The following TMEM94 variants were observed in gnomAD, a reference collection of about 807,000 sequenced individuals.
The protein encoded by TMEM94 is transmembrane protein 94, also known as ER Mg2+ ATPase.
In TMEM94, 81 loss-of-function variants were observed where a neutral mutation model predicts 158.6. The observed-to-expected ratio is 0.51, with a 90% CI of 0.43 to 0.61. The LOEUF is 0.61. Ranked by LOEUF, TMEM94 falls within the 20% of genes least tolerant of loss-of-function variation. The probability of loss-of-function intolerance (pLI) is 0.00; values close to 1 mark genes in which losing one functional copy is unlikely to be tolerated. For synonymous variants in TMEM94, 751 were observed against 730.7 expected (o/e 1.03, Z -0.45); for missense variants, 1,435 against 1,762.0 (o/e 0.81, Z 3.32).
Position 75,489,839 on chromosome 17 carries a change from G to T in TMEM94, c.954+177G>T. 1.6e-6 allele frequency: 1 copy of T among 629,936 alleles called. No individual in the cohort carries two copies. The highest frequency in any genetic ancestry group is 1.8e-5 in the South Asian group (1 of 54,330). The allele number at this position is 629,936 out of a possible 1,614,324, so 39.0% of individuals were successfully genotyped here. A position where few individuals can be genotyped will look rare whatever the true frequency, so the allele number is the denominator to read the frequency against. On this transcript the variant is annotated intron_variant, in intron 9 of 31. Transcript: ENST00000314256. This position sits in a 1 kb window ranked among gnomAD's most constrained non-coding sequence, Gnocchi z 5.0. ...CTCAGGCCTGTAATCCAAGCACTTT[G>T]GGAGGCCACGGCAGGCAGATCATGA...
At chr17:75,469,032 A>G (rs1021614905) in intron 1 of TMEM94, among the ~76,000 whole-genome samples, 1 of 152,106 alleles carries the variant, frequency 6.6e-6, no homozygotes, top group Non-Finnish European at 1.5e-5. Context: ...TGGTGAGGGT[A>G]GGTGGGGAGG....
chr17:75,489,740 C>T lies in TMEM94; in HGVS notation c.954+78C>T. On this transcript the variant is annotated intron_variant, in intron 9 of 31. Transcript: ENST00000314256. This position sits in a 1 kb window ranked among gnomAD's most constrained non-coding sequence, Gnocchi z 5.0. ...GCTCTTCTCCTAGTACCCTGGCTGT[C>T]CCTCCCTCTCTGCAGCCCAGAGGTC... 7.3e-6 allele frequency: 9 copies of T among 1,229,128 alleles called. No homozygotes were observed. The highest frequency in any genetic ancestry group is 9.5e-6 in the Non-Finnish European group (8 of 838,880). The allele number at this position is 1,229,128 out of a possible 1,614,324, so 76.1% of individuals were successfully genotyped here. A position where few individuals can be genotyped will look rare whatever the true frequency, so the allele number is the denominator to read the frequency against.
intron 1 of TMEM94, among the ~76,000 whole-genome samples, chr17:75,468,899 T>C (rs1401529402): frequency 6.6e-6 from 1 of 152,160 alleles, no homozygotes; most frequent in Admixed American, 6.6e-5. Flanking sequence ...GTCAGTAGGT[T>C]AGTGCTTTCT....
chr17:75,490,616 G>A lies in TMEM94; in HGVS notation c.1072-86G>A, dbSNP rs1378231070. ...ACCAAAGGGGTTGGGAGCCCCGCTG[G>A]TGTGGGCCCCCCCTCTGCCAGCTTG... On this transcript the variant is annotated intron_variant, in intron 10 of 31. Transcript: ENST00000314256. The A allele has an allele frequency of 3.9e-6, 5 of 1,270,180 alleles. No homozygotes were observed. In the Admixed American group the frequency reaches 8.9e-5, roughly 23 times the overall value. 78.7% of individuals were successfully genotyped at this position (1,270,180 alleles called of 1,614,324 possible).
At chr17:75,474,922 C>G (rs576168102) in intron 2 of TMEM94, among the ~76,000 whole-genome samples, 1 of 152,216 alleles carries the variant, frequency 6.6e-6, no homozygotes, top group Admixed American at 6.5e-5. Flanking sequence ...GCAGGGCTCC[C>G]TTCTCCATTT....
Position 75,494,778 on chromosome 17 carries a change from C to T in TMEM94, c.2559C>T (p.Tyr853=). 1 of 1,613,692 alleles carries T rather than the reference C, an allele frequency of 6.2e-7. No homozygotes were observed. The highest frequency in any genetic ancestry group is 8.5e-7 in the Non-Finnish European group (1 of 1,180,038). Residue 853 remains tyrosine (Y), a synonymous_variant, in exon 19 of 32, where the codon TAC becomes TAT. Coordinates refer to ENST00000314256, the MANE Select transcript of TMEM94 (RefSeq NM_014738.6). The part of the protein sequence containing the change: ...GLVNACIRFV[Y]FSLEDELKSK... ...TCAACGCCTGCATCCGCTTTGTCTA[C>T]TTCTCTTTGGAGGATGAGCTCAAAA...
At position 75,499,587 on chromosome 17, in the gene TMEM94, G is replaced by A. The variant is rs1567986800; in HGVS notation, c.*253G>A. ...TCACCAGGGACACTCTTGAATGTATGGCCTCAGGCGCTCCCTAGAGGGGCC... is the reference window on the plus strand; with the variant it reads ...TCACCAGGGACACTCTTGAATGTATAGCCTCAGGCGCTCCCTAGAGGGGCC... On this transcript the variant is annotated 3_prime_UTR_variant, in exon 32 of 32. Coordinates refer to ENST00000314256, the MANE Select transcript of TMEM94 (RefSeq NM_014738.6). The A allele has an allele frequency of 3.7e-6, 2 of 546,708 alleles. No individual in the cohort carries two copies. Among genetic ancestry groups the A allele is most frequent in the Non-Finnish European group, 3.3e-6 (1 of 307,126 alleles). 33.9% of individuals were successfully genotyped at this position (546,708 alleles called of 1,614,324 possible).
rs2053111875 is a variant in TMEM94 at position 75,499,646 on chromosome 17, G to A, written c.*312G>A. 2.9e-6 allele frequency: 1 copy of A among 343,138 alleles called. No homozygotes were observed. Among genetic ancestry groups the A allele is most frequent in the Non-Finnish European group, 5.4e-6 (1 of 185,876 alleles). 21.3% of individuals were successfully genotyped at this position (343,138 alleles called of 1,614,324 possible). A position where few individuals can be genotyped will look rare whatever the true frequency, so the allele number is the denominator to read the frequency against. On this transcript the variant is annotated 3_prime_UTR_variant, in exon 32 of 32. Transcript: ENST00000314256. ...CCTCACCTGTGAGCTACCCCCTTTA[G>A]GGATCCCTTGCCCCCTTGGAGATCC...
intron 2 of TMEM94, among the ~76,000 whole-genome samples, chr17:75,478,307 G>A (rs1158130369): frequency 3.7e-5 from 5 of 134,300 alleles, no homozygotes; most frequent in African/African-American, 1.1e-4. Flanking sequence ...GTGAGCCACC[G>A]CGCCCGGCCG....
rs372290502 is a variant in TMEM94 at position 75,493,582 on chromosome 17, G to A, written c.2178G>A (p.Ser726=). The change falls in exon 17 of 32, where the codon TCG becomes TCA. Residue 726 remains serine, a synonymous_variant. Coordinates refer to ENST00000314256, the MANE Select transcript of TMEM94 (RefSeq NM_014738.6). ...FWDGADIYPL[S]GSDRKKVLDF... ...ACGGAGCTGACATCTACCCTCTCTC[G>A]GGATCTGACAGGTGGGTGAGGAAGC... 196 of 1,613,830 alleles carry A rather than the reference G, an allele frequency of 1.2e-4. No homozygotes were observed. Among genetic ancestry groups the A allele is most frequent in the Non-Finnish European group, 1.5e-4 (182 of 1,180,020 alleles).
intron 1 of TMEM94, among the ~76,000 whole-genome samples, chr17:75,468,061 A>G (rs2050370893): frequency 6.6e-6 from 1 of 152,240 alleles, no homozygotes; most frequent in Admixed American, 6.5e-5. Flanking sequence ...ACTGAGGCTC[A>G]GAGGGACAAA....
rs771894942 is a variant in TMEM94, at chr17:75,498,253, A to G, written c.3568A>G (p.Thr1190Ala). The change falls in exon 28 of 32, where the codon ACA becomes GCA. Residue 1190 changes from threonine (T) to alanine (A), a missense_variant. Physicochemically the swap from Thr to Ala is moderately conservative, Grantham distance 58. Transcript: ENST00000314256. The surrounding 1 kb of genome is among the most constrained non-coding windows in gnomAD (Gnocchi z 6.7). ...ISSCLICFGFTLQSFCDSSRD... is the reference protein window; with the variant it reads ...ISSCLICFGFALQSFCDSSRD... ...CTCCTGCCTCATCTGCTTTGGCTTC[A>G]CACTGCAGAGCTTCTGTGACAGCTC... The G allele has an allele frequency of 6.2e-7, 1 of 1,613,632 alleles. No homozygotes were observed. The highest frequency in any genetic ancestry group is 1.1e-5 in the South Asian group (1 of 91,064).
Position 75,494,693 on chromosome 17 carries a change from G to C in TMEM94, c.2474G>C (p.Gly825Ala). Residue 825 changes from glycine to alanine, a missense_variant, in exon 19 of 32, where the codon GGC becomes GCC. This residue lies in a region of TMEM94 where 1,051 missense variants were observed against 1,254.4 expected (regional missense o/e 0.84). Transcript: ENST00000314256. ...GCCCTGAGCGGCCAGATCTTCATGG[G>C]CATGGTGTCCTCCCAGTACCAGGCC... The part of the protein sequence containing the change: ...MQALSGQIFM[G>A]MVSSQYQARL... 1 of 1,613,782 alleles carries C rather than the reference G, an allele frequency of 6.2e-7. No individual in the cohort carries two copies. Among genetic ancestry groups the C allele is most frequent in the East Asian group, 2.2e-5 (1 of 44,880 alleles).
intron 2 of TMEM94, among the ~76,000 whole-genome samples, chr17:75,473,202 G>C (rs2050560997): frequency 6.6e-6 from 1 of 152,320 alleles, no homozygotes; most frequent in Middle Eastern, 3.4e-3. Context: ...GGCTTCCTAT[G>C]TCTCTGGACC....
rs561817793 is a variant in TMEM94, at chr17:75,487,805, G to A, written c.410-127G>A. 2.5e-4 allele frequency: 186 copies of A among 734,446 alleles called. 1 individual carries two copies. In the African/African-American group the frequency reaches 2.7e-3, roughly 11 times the overall value. 45.5% of individuals were successfully genotyped at this position (734,446 alleles called of 1,614,324 possible). ...AAGCAGGGAAGTGTTGGAACGAGTG[G>A]AGGGGTTTGACGCAGACCTCCTGGG... is the stretch of plus-strand genomic sequence containing the variant. On this transcript the variant is annotated intron_variant, in intron 5 of 31. Transcript: ENST00000314256. The surrounding 1 kb of genome is among the most constrained non-coding windows in gnomAD (Gnocchi z 4.6).
Position 75,491,756 on chromosome 17 carries a change from G to A in TMEM94, c.1452G>A (p.Gln484=), listed in dbSNP as rs768135489. 1 of 1,614,086 alleles carries A rather than the reference G, an allele frequency of 6.2e-7. No individual in the cohort carries two copies. Among genetic ancestry groups the A allele is most frequent in the Admixed American group, 1.7e-5 (1 of 60,032 alleles). The change falls in exon 14 of 32, where the codon CAG becomes CAA. Residue 484 remains glutamine, a synonymous_variant. Coordinates refer to ENST00000314256, the MANE Select transcript of TMEM94 (RefSeq NM_014738.6). This position sits in a 1 kb window ranked among gnomAD's most constrained non-coding sequence, Gnocchi z 5.1. ...LNNTLHLSNE[Q]ERGDWPGEAP... The stretch of plus-strand genomic sequence containing the variant: ...ACACCCTGCACCTTTCCAATGAGCA[G>A]GAGCGTGGCGACTGGCCTGGCGAGG...
Position 75,495,041 on chromosome 17 carries a change from G to T in TMEM94, c.2728+7G>T. The T allele has an allele frequency of 1.3e-6, 2 of 1,576,742 alleles. No homozygotes were observed. Among genetic ancestry groups the T allele is most frequent in the Non-Finnish European group, 1.7e-6 (2 of 1,155,750 alleles). ...CATGATGACCTGAATCAGGGTAAGG[G>T]CAAAGGCGTGGGGTGGGGACGGGGT... On this transcript the variant is annotated splice_region_variant and intron_variant, in intron 20 of 31. Transcript: ENST00000314256. The surrounding 1 kb of genome is among the most constrained non-coding windows in gnomAD (Gnocchi z 5.6).
rs201535641 is a variant in TMEM94 at position 75,494,735 on chromosome 17, G to A, written c.2516G>A (p.Arg839His). The part of the protein sequence containing the change: ...SQYQARLDIV[R>H]LIDGLVNACI... ...TACCAGGCCCGGCTGGACATCGTGC[G>A]CCTCATTGATGGGCTTGTCAACGCC... The change falls in exon 19 of 32, where the codon CGC becomes CAC. Residue 839 changes from arginine to histidine, a missense_variant. Transcript: ENST00000314256. The A allele has an allele frequency of 2.2e-5, 35 of 1,613,728 alleles. No individual in the cohort carries two copies. Among genetic ancestry groups the A allele is most frequent in the Non-Finnish European group, 2.4e-5 (28 of 1,180,038 alleles).
At chr17:75,478,530 G>C (rs2050897650) in intron 2 of TMEM94, among the ~76,000 whole-genome samples, 1 of 152,042 alleles carries the variant, frequency 6.6e-6, no homozygotes, top group South Asian at 2.1e-4. Flanking sequence ...AGCTGGGCCT[G>C]CTCAGGGGCA....
Sources: allele counts gnomAD v4.1 joint callset (sites outside exome capture counted in the v4.1 genomes callset), GRCh38; gene constraint gnomAD v4.1.1; regional missense constraint gnomAD v4.1.1; non-coding constraint Gnocchi (gnomAD v3.1); transcripts MANE v1.5; gene names NCBI Gene and HGNC (gene_info 2026-07-23, HGNC 2026-07-21).